Variants in PAQR3 observed in about 807,000 individuals in gnomAD.
PAQR3 encodes Raf kinase trapping to Golgi.
A neutral mutation model predicts 41.7 loss-of-function variants in PAQR3; 39 were observed. That is an observed-to-expected ratio of 0.93 (90% CI 0.72 to 1.22). The LOEUF (loss-of-function observed/expected upper bound fraction) is 1.22, where lower values mean the gene tolerates loss of function less well. PAQR3 is among the 50% of genes most tolerant of loss of function. The probability of loss-of-function intolerance (pLI) is 0.00; values close to 1 mark genes in which losing one functional copy is unlikely to be tolerated. For synonymous variants in PAQR3, 140 were observed against 140.6 expected (o/e 1.00, Z 0.03); for missense variants, 366 against 385.6 (o/e 0.95, Z 0.42).
chr4:78,892,496 A>T lies in PAQR3; in HGVS notation c.*837-4348T>A, dbSNP rs989416581. Reference sequence around the variant, plus strand: ...TTTTATCAAACTTGCTAAGGTATTAATCTCTTTAAAGAACCAACTTTTGAC... The same window carrying T: ...TTTTATCAAACTTGCTAAGGTATTATTCTCTTTAAAGAACCAACTTTTGAC... On this transcript the variant is annotated intron_variant and NMD_transcript_variant, in intron 11 of 12. Transcript: ENST00000342820. Among the ~76,000 whole-genome samples the T allele has an allele frequency of 5.3e-5, 8 of 152,284 alleles. No individual in the cohort carries two copies. In the South Asian group the frequency reaches 1.4e-3, roughly 28 times the overall value.
intron 11 of PAQR3, among the ~76,000 whole-genome samples, chr4:78,889,689 G>A (rs998782549): frequency 8.5e-5 from 13 of 152,276 alleles, no homozygotes; most frequent in African/African-American, 3.1e-4. Context: ...AGCATCTGGA[G>A]ATTTCTAGGA....
intron 11 of PAQR3, among the ~76,000 whole-genome samples, chr4:78,899,923 G>T (rs113327704): frequency 1.3e-5 from 2 of 152,172 alleles, no homozygotes; most frequent in African/African-American, 4.8e-5. Context: ...ATTAAGGGAA[G>T]AATTTAGATT....
rs1735233449 is a variant in PAQR3 at position 78,917,841 on chromosome 4, T to A, written c.*2698A>T. 3.0e-6 allele frequency: 3 copies of A among 985,416 alleles called. No individual in the cohort carries two copies. The African/African-American group carries it at 5.2e-5, about 17-fold the overall frequency. 61.0% of individuals were successfully genotyped at this position (985,416 alleles called of 1,614,324 possible). ...GATATTCTGTCCAGGTGGGATGCCA[T>A]AAGATGTGACAGACATTCCCTGAAT... On this transcript the variant is annotated 3_prime_UTR_variant, in exon 6 of 6. Transcript: ENST00000512733.
intron 3 of PAQR3, among the ~76,000 whole-genome samples, chr4:78,929,082 C>T (rs972452995): frequency 2.0e-4 from 31 of 152,216 alleles, no homozygotes; most frequent in African/African-American, 4.3e-4. Flanking sequence ...TTCCCTGGCT[C>T]GCTGGCCCAC....
In PAQR3 at chr4:78,912,092, T is replaced by C. The variant is rs1734664200; in HGVS notation, c.*8447A>G. ...TTTCAAAAAAGTGTGAACAGTTTTA[T>C]GAATTTGAAAGAAAATTTGGTAGCT... On this transcript the variant is annotated 3_prime_UTR_variant, in exon 6 of 6. Transcript: ENST00000512733. 2.7e-6 allele frequency: 4 copies of C among 1,477,986 alleles called. No individual in the cohort carries two copies. The highest frequency in any genetic ancestry group is 2.7e-6 in the Non-Finnish European group (3 of 1,093,124). 91.6% of individuals were successfully genotyped at this position (1,477,986 alleles called of 1,614,324 possible). A position where few individuals can be genotyped will look rare whatever the true frequency, so the allele number is the denominator to read the frequency against.
Position 78,918,144 on chromosome 4 carries a change from A to G in PAQR3, c.*2395T>C, listed in dbSNP as rs1236612417. 1 of 964,234 alleles carries G rather than the reference A, an allele frequency of 1.0e-6. No homozygotes were observed. Among genetic ancestry groups the G allele is most frequent in the East Asian group, 1.1e-4 (1 of 8,712 alleles). 59.7% of individuals were successfully genotyped at this position (964,234 alleles called of 1,614,324 possible). A position where few individuals can be genotyped will look rare whatever the true frequency, so the allele number is the denominator to read the frequency against. ...TAAAACAGCCATAGATAATTTTAAA[A>G]TGTAAAATCTGTAGGCAAAAAGCTT... On this transcript the variant is annotated 3_prime_UTR_variant, in exon 6 of 6. Transcript: ENST00000512733.
intron 11 of PAQR3, among the ~76,000 whole-genome samples, chr4:78,904,497 C>T (rs748492834): frequency 6.6e-6 from 1 of 151,888 alleles, no homozygotes; most frequent in Non-Finnish European, 1.5e-5. Context: ...TTACAAGCCA[C>T]ACAAGATAAT....
At chr4:78,922,191 A>T (rs1465537005) in intron 5 of PAQR3, 1 of 1,048,130 alleles carries the variant, frequency 9.5e-7, no homozygotes, top group Non-Finnish European at 1.2e-6. Flanking sequence ...GGTGGTCTTC[A>T]ATTCAGTGGC....
At chr4:78,933,137 T>G in intron 2 of PAQR3, 2 of 455,734 alleles carry the variant, frequency 4.4e-6, no homozygotes, top group Middle Eastern at 3.3e-4. Context: ...TTAAATGCCC[T>G]GCCTCACTGT....
chr4:78,913,134 T>G lies in PAQR3; in HGVS notation c.*7405A>C, dbSNP rs186991741. On this transcript the variant is annotated 3_prime_UTR_variant, in exon 6 of 6. Transcript: ENST00000512733. ...ATAAGCAACAATTATTTTTATTAGG[T>G]TTTGGGGGGTGGAGTAGTTTTAATA... The G allele has an allele frequency of 7.6e-6, 1 of 131,626 alleles. No homozygotes were observed. Among genetic ancestry groups the G allele is most frequent in the Admixed American group, 7.4e-5 (1 of 13,590 alleles). The allele number at this position is 131,626 out of a possible 1,614,324, so 8.2% of individuals were successfully genotyped here. A position where few individuals can be genotyped will look rare whatever the true frequency, so the allele number is the denominator to read the frequency against.
At chr4:78,891,271 CT>C (rs1733421323) in intron 11 of PAQR3, among the ~76,000 whole-genome samples, 1 of 152,100 alleles carries the variant, frequency 6.6e-6, no homozygotes, top group African/African-American at 2.4e-5. Flanking sequence ...TCTTCTTCCT[CT>C]TTTTCTTATT....
rs569805135 is a variant in PAQR3 at position 78,914,597 on chromosome 4, T to A, written c.*5942A>T. ...TTATGAGAATAAAGCTCCCAAGATATGTGAAAGTGCTTAACACAGTACCTG... is the reference window on the plus strand; with the variant it reads ...TTATGAGAATAAAGCTCCCAAGATAAGTGAAAGTGCTTAACACAGTACCTG... On this transcript the variant is annotated 3_prime_UTR_variant, in exon 6 of 6. Coordinates refer to ENST00000512733, the MANE Select transcript of PAQR3 (RefSeq NM_001040202.2). 1 of 151,962 alleles carries A rather than the reference T, an allele frequency of 6.6e-6. No homozygotes were observed. The highest frequency in any genetic ancestry group is 1.5e-5 in the Non-Finnish European group (1 of 67,920). 9.4% of individuals were successfully genotyped at this position (151,962 alleles called of 1,614,324 possible). A position where few individuals can be genotyped will look rare whatever the true frequency, so the allele number is the denominator to read the frequency against.
intron 11 of PAQR3, among the ~76,000 whole-genome samples, chr4:78,889,988 G>C (rs2110078831): frequency 6.6e-6 from 1 of 152,232 alleles, no homozygotes; most frequent in East Asian, 1.9e-4. Context: ...ATTAGGAATT[G>C]TGCTCTTTTT....
chr4:78,936,098 C>T (rs576806447), intron 1 of PAQR3, among the ~76,000 whole-genome samples: 13 of 152,324 alleles, frequency 8.5e-5, no homozygotes, highest in South Asian at 2.1e-4. Flanking sequence ...TAACCTCTCC[C>T]GGCTTCAGTT....
intron 1 of PAQR3, among the ~76,000 whole-genome samples, chr4:78,936,527 A>T (rs1737443471): frequency 6.6e-6 from 1 of 152,214 alleles, no homozygotes; most frequent in Admixed American, 6.5e-5. Flanking sequence ...AGGATTTCTG[A>T]ATCAGTGAAG....
intron 11 of PAQR3, among the ~76,000 whole-genome samples, chr4:78,896,848 A>T (rs566592546): frequency 1.1e-4 from 17 of 152,220 alleles, no homozygotes; most frequent in Non-Finnish European, 1.8e-4. Context: ...GGCACATGAC[A>T]TTATTCCTAG....
intron 10 of PAQR3, among the ~76,000 whole-genome samples, chr4:78,906,563 G>A (rs924796867): frequency 6.6e-6 from 1 of 152,040 alleles, no homozygotes; most frequent in African/African-American, 2.4e-5. Flanking sequence ...GAATTTCCAG[G>A]ATCTAAAATG....
intron 11 of PAQR3, among the ~76,000 whole-genome samples, chr4:78,902,864 T>C (rs1412904280): frequency 6.6e-6 from 1 of 152,140 alleles, no homozygotes; most frequent in Non-Finnish European, 1.5e-5. Context: ...TTGGTATAGT[T>C]TATAAAGGTT....
intron 11 of PAQR3, among the ~76,000 whole-genome samples, chr4:78,895,618 T>TC (rs1733662231): frequency 6.6e-6 from 1 of 151,788 alleles, no homozygotes; most frequent in African/African-American, 2.4e-5. Context: ...AGAAGATGGA[T>TC]CTATAGATTT....
Sources: allele counts gnomAD v4.1 joint callset (sites outside exome capture counted in the v4.1 genomes callset), GRCh38; gene constraint gnomAD v4.1.1; transcripts MANE v1.5; gene names NCBI Gene and HGNC (gene_info 2026-07-23, HGNC 2026-07-21).